The following SUMF1 variants were observed in gnomAD, a reference collection of about 807,000 sequenced individuals.
The protein encoded by SUMF1 is sulfatase modifying factor 1.
SUMF1 carries 48 observed loss-of-function variants against 47.6 expected under a neutral mutation model. The observed-to-expected ratio is 1.01, with a 90% confidence interval of 0.80 to 1.28. The LOEUF (loss-of-function observed/expected upper bound fraction) is 1.28. Among genes scored for constraint, SUMF1 ranks in the 50% most tolerant of loss-of-function variants. The pLI, the probability that SUMF1 is intolerant of heterozygous loss-of-function variation, is 0.00. For missense variants in SUMF1, 571 were observed against 485.4 expected (o/e 1.18, Z -1.66); for synonymous variants, 230 against 192.1 (o/e 1.20, Z -1.63).
intron 8 of SUMF1, among the ~76,000 whole-genome samples, chr3:4,124,897 T>C (rs1693620968): frequency 6.6e-6 from 1 of 152,124 alleles, no homozygotes; most frequent in South Asian, 2.1e-4. Flanking sequence ...GGTCATTTTC[T>C]ATAATGTGGT....
At chr3:4,465,981 T>C (rs1288376698) in intron 1 of SUMF1, among the ~76,000 whole-genome samples, 6 of 152,210 alleles carry the variant, frequency 3.9e-5, no homozygotes, top group Non-Finnish European at 8.8e-5. Context: ...AAGGATAGTG[T>C]CTGCTAAGTA....
At chr3:4,157,766 C>T (rs1050970046) in intron 8 of SUMF1, among the ~76,000 whole-genome samples, 2 of 151,538 alleles carry the variant, frequency 1.3e-5, no homozygotes, top group Non-Finnish European at 1.5e-5. Context: ...ATGAGACAGA[C>T]AGGCATCTAT....
intron 8 of SUMF1, among the ~76,000 whole-genome samples, chr3:4,370,170 G>A (rs1435971491): frequency 6.6e-6 from 1 of 152,198 alleles, no homozygotes; most frequent in Non-Finnish European, 1.5e-5. Context: ...TCTCTGAGAA[G>A]ATCACATGTG....
chr3:4,302,898 CA>C (rs912566061), intron 8 of SUMF1, among the ~76,000 whole-genome samples: 5 of 152,148 alleles, frequency 3.3e-5, no homozygotes, highest in African/African-American at 9.7e-5. Flanking sequence ...CATGCCCCCA[CA>C]CAAATTCCTT....
At chr3:4,229,354 A>G (rs1413282498) in intron 8 of SUMF1, 4 of 416,312 alleles carry the variant, frequency 9.6e-6, no homozygotes, top group African/African-American at 2.1e-5. Context: ...CCTTTCTTAT[A>G]AATGTCCACA....
At chr3:4,088,162 C>T (rs1263965534) in intron 8 of SUMF1, among the ~76,000 whole-genome samples, 2 of 152,070 alleles carry the variant, frequency 1.3e-5, no homozygotes, top group East Asian at 3.9e-4. Context: ...CTTTGGACAC[C>T]TCTGATTTAC....
intron 8 of SUMF1, among the ~76,000 whole-genome samples, chr3:4,268,681 T>TAA (rs898229500): frequency 4.5e-4 from 66 of 147,770 alleles, no homozygotes; most frequent in Non-Finnish European, 8.2e-4. Flanking sequence ...AAACTCAGAT[T>TAA]AAAAAAAAAA....
At chr3:4,068,463 C>G (rs1695430806) in intron 9 of SUMF1, 1 of 180,186 alleles carries the variant, frequency 5.5e-6, no homozygotes. Flanking sequence ...ACAATATGTT[C>G]AAAATATTAT....
chr3:4,269,961 T>C (rs571414111), intron 8 of SUMF1, among the ~76,000 whole-genome samples: 1 of 152,212 alleles, frequency 6.6e-6, no homozygotes, highest in African/African-American at 2.4e-5. Flanking sequence ...GAAGTAATGA[T>C]ACCATGTATT....
intron 8 of SUMF1, among the ~76,000 whole-genome samples, chr3:4,116,977 A>G (rs976465566): frequency 6.6e-6 from 1 of 152,116 alleles, no homozygotes. Flanking sequence ...TGCTAGGTGA[A>G]CAAAACAAAG....
intron 8 of SUMF1, among the ~76,000 whole-genome samples, chr3:4,194,891 G>C (rs6442870): frequency 6.6e-6 from 1 of 151,926 alleles, no homozygotes; most frequent in Non-Finnish European, 1.5e-5. Context: ...ATAAGCTATA[G>C]AAAGTAAAAG....
At chr3:4,128,723 T>C (rs1203085003) in intron 8 of SUMF1, among the ~76,000 whole-genome samples, 1 of 151,996 alleles carries the variant, frequency 6.6e-6, no homozygotes, top group East Asian at 1.9e-4. Flanking sequence ...AATTAGAAAT[T>C]AGAAATAATT....
chr3:4,212,441 C>A (rs377464388), intron 8 of SUMF1, among the ~76,000 whole-genome samples: 11 of 152,206 alleles, frequency 7.2e-5, no homozygotes, highest in African/African-American at 2.4e-4. Flanking sequence ...GTAGATAAAT[C>A]TACAAAAATG....
chr3:4,340,579 G>A (rs1034124672), intron 8 of SUMF1, among the ~76,000 whole-genome samples: 1 of 152,198 alleles, frequency 6.6e-6, no homozygotes, highest in East Asian at 1.9e-4. Context: ...GAGGACTCAG[G>A]TGGAGTTAGG....
rs1263398894 is a variant in SUMF1, at chr3:4,361,514, T to C, written c.*630A>G. On this transcript the variant is annotated 3_prime_UTR_variant, in exon 9 of 9. Coordinates refer to ENST00000272902, the MANE Select transcript of SUMF1 (RefSeq NM_182760.4). ...CCATGTGGGATTCATCATAACAACG[T>C]AAAAGACACTGATTTCCTTGGAAAA... 6.4e-6 allele frequency: 1 copy of C among 156,048 alleles called. No individual in the cohort carries two copies. The highest frequency in any genetic ancestry group is 1.4e-5 in the Non-Finnish European group (1 of 70,276). The allele number at this position is 156,048 out of a possible 1,614,324, so 9.7% of individuals were successfully genotyped here. A position where few individuals can be genotyped will look rare whatever the true frequency, so the allele number is the denominator to read the frequency against.
At chr3:4,122,471 C>A (rs776782577) in intron 8 of SUMF1, among the ~76,000 whole-genome samples, 4 of 151,958 alleles carry the variant, frequency 2.6e-5, no homozygotes, top group Admixed American at 6.6e-5. Flanking sequence ...TGTTTTGGGA[C>A]CAGATAGAGG....
chr3:4,260,691 C>T lies in SUMF1; in HGVS notation c.1014+115639G>A, dbSNP rs143542152. ...CAGAGGTTGCAGTGAGCTGAGATCT[C>T]GCCACTGCACTCCATCCTGGGTGAC... On this transcript the variant is annotated intron_variant and NMD_transcript_variant, in intron 8 of 12. Coordinates refer to the SUMF1 transcript ENST00000448413. Among the ~76,000 whole-genome samples, 625 of 151,990 alleles carry T rather than the reference C, an allele frequency of 4.1e-3. 7 individuals are homozygous for T. The highest frequency in any genetic ancestry group is 0.014 in the African/African-American group (596 of 41,442).
At chr3:4,446,998 C>A (rs867922283) in intron 3 of SUMF1, among the ~76,000 whole-genome samples, 1 of 152,048 alleles carries the variant, frequency 6.6e-6, no homozygotes, top group Non-Finnish European at 1.5e-5. Context: ...AAGCAGGGTA[C>A]TGGCTACTTT....
chr3:4,417,199 A>G lies in SUMF1; in HGVS notation c.769T>C (p.Tyr257His), dbSNP rs758862247. Residue 257 changes from tyrosine (Y) to histidine (H), a missense_variant, in exon 6 of 9, where the codon TAT becomes CAT. Transcript: ENST00000272902. ...AACTCGCCCTGCCAAATGTTGGCATAATGCTGGCCTTTGGGCTGCAGTTTG... is the reference window on the plus strand; with the variant it reads ...AACTCGCCCTGCCAAATGTTGGCATGATGCTGGCCTTTGGGCTGCAGTTTG... ...GNKLQPKGQHYANIWQGEFPV... is the reference protein window; with the variant it reads ...GNKLQPKGQHHANIWQGEFPV... The G allele has an allele frequency of 1.1e-5, 18 of 1,614,004 alleles. No individual in the cohort carries two copies. The highest frequency in any genetic ancestry group is 1.3e-5 in the African/African-American group (1 of 75,040).
Sources: allele counts gnomAD v4.1 joint callset (sites outside exome capture counted in the v4.1 genomes callset), GRCh38; gene constraint gnomAD v4.1.1; transcripts MANE v1.5; gene names NCBI Gene and HGNC (gene_info 2026-07-23, HGNC 2026-07-21).